The following ANKRD30B variants were observed in gnomAD, a reference collection of about 807,000 sequenced individuals.
ANKRD30B encodes ankyrin repeat domain-containing protein 30B.
A neutral mutation model predicts 202.2 loss-of-function variants in ANKRD30B; 144 were observed. The observed-to-expected ratio is 0.71, with a 90% confidence interval of 0.62 to 0.82. The LOEUF (loss-of-function observed/expected upper bound fraction) is 0.82, where lower values mean the gene tolerates loss of function less well. Among genes scored for constraint, ANKRD30B ranks in the 40% least tolerant of loss-of-function variants. The pLI, the probability that ANKRD30B is intolerant of heterozygous loss-of-function variation, is 0.00. For missense variants in ANKRD30B, 1,487 were observed against 1,669.1 expected (o/e 0.89, Z 1.90); for synonymous variants, 508 against 561.3 (o/e 0.91, Z 1.34).
chr18:14,860,797 T>G, the ANKRD30B span, among the ~76,000 whole-genome samples: 1 of 152,008 alleles, frequency 6.6e-6, no homozygotes, highest in African/African-American at 2.4e-5. Context: ...CTCTGCTTCC[T>G]GGATTCAAGC....
the ANKRD30B span, among the ~76,000 whole-genome samples, chr18:14,927,596 A>G: frequency 6.6e-6 from 1 of 152,304 alleles, no homozygotes; most frequent in Non-Finnish European, 1.5e-5. Context: ...AGCAAAGCCT[A>G]TTATCTTTGG....
In ANKRD30B at chr18:14,846,978, A is replaced by C. The variant is rs561022196; in HGVS notation, c.3182-1738A>C. ...ATGCTGTTTGATTTCTGTTAGTCCC[A>C]GATCTTCTTTGCTCTGTTTTGTTCT... On this transcript the variant is annotated intron_variant, in intron 39 of 43. Coordinates refer to ENST00000690538, the MANE Select transcript of ANKRD30B (RefSeq NM_001367607.2). Among the ~76,000 whole-genome samples, 11 of 149,102 alleles carry C rather than the reference A, an allele frequency of 7.4e-5. 1 individual carries two copies. In the South Asian group the frequency reaches 2.3e-3, roughly 32 times the overall value.
At chr18:14,772,378 T>A in intron 9 of ANKRD30B, 150 bp downstream of exon 9, 1 of 399,436 alleles carries the variant, frequency 2.5e-6, no homozygotes, top group African/African-American at 3.2e-5. Flanking sequence ...GTAGTTGATT[T>A]AAACAGTTTT....
rs1048469985 is a variant in ANKRD30B at position 14,831,974 on chromosome 18, C to A, written c.2847+519C>A. Among the ~76,000 whole-genome samples the A allele has an allele frequency of 2.0e-5, 3 of 152,102 alleles. No homozygotes were observed. In the South Asian group the frequency reaches 6.2e-4, roughly 32 times the overall value. ...CCACATAGCATATAGGTTTTTTTGG[C>A]GCATATTATTTTGATATCATGTAGT... On this transcript the variant is annotated intron_variant, in intron 34 of 43. Transcript: ENST00000690538.
the ANKRD30B span, among the ~76,000 whole-genome samples, chr18:14,895,823 A>T: frequency 1.3e-3 from 196 of 152,308 alleles, 5 homozygotes; most frequent in East Asian, 0.035. Context: ...CAAAGGCAAA[A>T]CTTTAGAGAT....
At chr18:14,792,331 T>A (rs1002376484) in intron 16 of ANKRD30B, among the ~76,000 whole-genome samples, 1 of 152,020 alleles carries the variant, frequency 6.6e-6, no homozygotes, top group African/African-American at 2.4e-5. Context: ...GGAGAAAGCA[T>A]TATGGTGCTC....
intron 30 of ANKRD30B, chr18:14,817,188 G>T (rs867116762): frequency 6.6e-6 from 1 of 152,116 alleles, no homozygotes; most frequent in African/African-American, 2.4e-5. Flanking sequence ...TGTCAACAAG[G>T]TTTTGTTTAA....
At chr18:14,940,279 C>T in the ANKRD30B span, among the ~76,000 whole-genome samples, 1 of 152,196 alleles carries the variant, frequency 6.6e-6, no homozygotes, top group Non-Finnish European at 1.5e-5. Context: ...ACAAAGCTTG[C>T]CTAGAGTTTC....
the ANKRD30B span, among the ~76,000 whole-genome samples, chr18:14,919,030 GC>G: frequency 6.6e-6 from 1 of 152,198 alleles, no homozygotes; most frequent in African/African-American, 2.4e-5. Context: ...GGACTTCCCA[GC>G]CTCCAGAACT....
chr18:14,899,668 A>AT, the ANKRD30B span, among the ~76,000 whole-genome samples: 1 of 152,188 alleles, frequency 6.6e-6, no homozygotes, highest in Non-Finnish European at 1.5e-5. Flanking sequence ...TTGAGTGTTT[A>AT]TTGCCAGACC....
chr18:14,820,623 T>C (rs1361929848), intron 30 of ANKRD30B, among the ~76,000 whole-genome samples: 2 of 152,222 alleles, frequency 1.3e-5, no homozygotes, highest in East Asian at 1.9e-4. Context: ...GAGATAATCA[T>C]GTGTTTTTTG....
chr18:14,798,097 G>T (rs1969045051), intron 20 of ANKRD30B, among the ~76,000 whole-genome samples: 1 of 152,166 alleles, frequency 6.6e-6, no homozygotes, highest in Admixed American at 6.5e-5. Context: ...ATGCAACGGG[G>T]CCTTGTCTTT....
At chr18:14,788,277 C>A (rs186915568) in intron 15 of ANKRD30B, among the ~76,000 whole-genome samples, 83 of 152,058 alleles carry the variant, frequency 5.5e-4, no homozygotes, top group Non-Finnish European at 1.0e-3. Context: ...GAAATATGCA[C>A]GTGTGAATTT....
At chr18:14,835,149 G>A (rs999718334) in intron 34 of ANKRD30B, among the ~76,000 whole-genome samples, 1 of 151,568 alleles carries the variant, frequency 6.6e-6, no homozygotes, top group Non-Finnish European at 1.5e-5. Flanking sequence ...ATATGAACAT[G>A]GTTCTTAATC....
chr18:14,866,373 G>C, the ANKRD30B span, among the ~76,000 whole-genome samples: 1 of 152,126 alleles, frequency 6.6e-6, no homozygotes, highest in Non-Finnish European at 1.5e-5. Context: ...AGTGGTAGGA[G>C]GGGGGCTGGA....
At chr18:14,772,640 C>A (rs1261676892) in intron 9 of ANKRD30B, among the ~76,000 whole-genome samples, 10 of 148,812 alleles carry the variant, frequency 6.7e-5, no homozygotes, top group Admixed American at 4.0e-4. Flanking sequence ...GACCCAGTTT[C>A]TTATTATAGT....
chr18:14,774,132 A>C (rs1026777142), intron 9 of ANKRD30B, among the ~76,000 whole-genome samples: 3 of 152,106 alleles, frequency 2.0e-5, no homozygotes, highest in African/African-American at 7.2e-5. Flanking sequence ...AACTAATTGA[A>C]TGTCTTATTA....
chr18:14,927,995 C>T, the ANKRD30B span, among the ~76,000 whole-genome samples: 2 of 151,606 alleles, frequency 1.3e-5, no homozygotes, highest in Non-Finnish European at 2.9e-5. Flanking sequence ...TTAGTGGAGT[C>T]TCACTCTTGT....
chr18:14,928,323 A>G, the ANKRD30B span, among the ~76,000 whole-genome samples: 62 of 152,086 alleles, frequency 4.1e-4, no homozygotes, highest in Non-Finnish European at 7.5e-4. Context: ...CCCAAAACAG[A>G]TATTTAGTTA....
Sources: gnomAD v4.1 joint callset for allele counts (sites outside exome capture counted in the v4.1 genomes callset) on GRCh38, gnomAD v4.1.1 for gene constraint, MANE v1.5 for transcripts, NCBI Gene and HGNC (gene_info 2026-07-23, HGNC 2026-07-21) for gene names.